Variants in PHACTR3 observed in about 807,000 individuals in gnomAD.
PHACTR3 encodes the protein protein phosphatase 1, regulatory subunit 123.
In PHACTR3, 16 loss-of-function variants were observed where a neutral mutation model predicts 66.8. The ratio of observed to expected loss-of-function variants is 0.24; its 90% CI spans 0.16 to 0.36. The LOEUF is 0.36. Ranked by LOEUF, PHACTR3 falls within the 10% of genes least tolerant of loss-of-function variation. The pLI, the probability that PHACTR3 is intolerant of heterozygous loss-of-function variation, is 1.00. For missense variants in PHACTR3, 647 were observed against 719.9 expected (o/e 0.90, Z 1.16); for synonymous variants, 323 against 292.1 (o/e 1.11, Z -1.08).
At chr20:59,675,956 C>CTGGG (rs2146526785) in intron 1 of PHACTR3, among the ~76,000 whole-genome samples, 1 of 152,286 alleles carries the variant, frequency 6.6e-6, no homozygotes, top group African/African-American at 2.4e-5. Flanking sequence ...GGGCCTGGGC[C>CTGGG]CGGAATAAAA....
chr20:59,639,059 A>AGATG lies in PHACTR3; in HGVS notation c.118+33965_118+33968dup, dbSNP rs111262717. Among the ~76,000 whole-genome samples the AGATG allele has an allele frequency of 3.1e-3, 405 of 129,532 alleles. 2 individuals are homozygous for AGATG. Among genetic ancestry groups the AGATG allele is most frequent in the Admixed American group, 4.2e-3 (52 of 12,516 alleles). The allele number at this position is 129,532 out of a possible 152,430, so 85.0% of individuals were successfully genotyped here. ...GACAGATGGATAAATGGAGATGGATAGATGGATGGATGGATGGATGGATGG... is the reference window on the plus strand; with the variant it reads ...GACAGATGGATAAATGGAGATGGATAGATGGATGGATGGATGGATGGATGGATGG... On this transcript the variant is annotated intron_variant, in intron 1 of 12. Transcript: ENST00000371015.
At chr20:59,796,150 A>G (rs1185784734) in intron 7 of PHACTR3, among the ~76,000 whole-genome samples, 3 of 151,906 alleles carry the variant, frequency 2.0e-5, no homozygotes, top group African/African-American at 4.8e-5. Flanking sequence ...TTTTGTTACC[A>G]TGGGGCTTAT....
At position 59,847,624 on chromosome 20, in the gene PHACTR3, T is replaced by TAAC. The variant is rs1370992675; in HGVS notation, c.*496_*497insCAA. 1 of 152,786 alleles carries TAAC rather than the reference T, an allele frequency of 6.5e-6. No individual in the cohort carries two copies. The highest frequency in any genetic ancestry group is 2.4e-5 in the African/African-American group (1 of 41,480). 9.5% of individuals were successfully genotyped at this position (152,786 alleles called of 1,614,324 possible). On this transcript the variant is annotated 3_prime_UTR_variant, in exon 13 of 13. Transcript: ENST00000371015. Reference sequence around the variant, plus strand: ...TGTATTATACTTTTCCTTTTTTATATAATGTCTAACAAAAAATACAGCTGC... The same window carrying TAAC: ...TGTATTATACTTTTCCTTTTTTATATAACAATGTCTAACAAAAAATACAGCTGC...
chr20:59,621,549 C>A (rs1239791712), intron 1 of PHACTR3, among the ~76,000 whole-genome samples: 1 of 152,238 alleles, frequency 6.6e-6, no homozygotes, highest in Non-Finnish European at 1.5e-5. Flanking sequence ...TCTTTGCCTC[C>A]TTCCTGTCTT....
At chr20:59,635,097 C>CTTTCTT (rs2034800355) in intron 1 of PHACTR3, among the ~76,000 whole-genome samples, 2 of 122,662 alleles carry the variant, frequency 1.6e-5, no homozygotes, top group East Asian at 2.5e-4. Flanking sequence ...TTCTTTCTTT[C>CTTTCTT]TCTCTCTTTC....
intron 8 of PHACTR3, among the ~76,000 whole-genome samples, chr20:59,827,370 A>G (rs1348325815): frequency 1.3e-5 from 2 of 152,128 alleles, no homozygotes; most frequent in African/African-American, 4.8e-5. Context: ...TCTCATCTGT[A>G]TCCCAGGGGC....
intron 10 of PHACTR3, 75 bp from the exon 11 acceptor site, chr20:59,841,320 G>T: frequency 7.1e-7 from 1 of 1,409,140 alleles, no homozygotes; most frequent in Non-Finnish European, 9.6e-7. Context: ...TTTAAGAGAA[G>T]TGCTGTTTGT....
chr20:59,609,790 C>T (rs1008648124), intron 1 of PHACTR3, among the ~76,000 whole-genome samples: 3 of 152,152 alleles, frequency 2.0e-5, no homozygotes, highest in African/African-American at 7.2e-5. Context: ...TGTAGAGTGT[C>T]TACATGGCTT....
intron 5 of PHACTR3, among the ~76,000 whole-genome samples, chr20:59,772,554 G>A (rs2040395067): frequency 1.3e-5 from 2 of 152,196 alleles, no homozygotes; most frequent in Admixed American, 6.5e-5. Context: ...ATTTCAGGCA[G>A]AAAGAACAGC....
chr20:59,660,456 T>G (rs926706083), intron 1 of PHACTR3, among the ~76,000 whole-genome samples: 1 of 152,248 alleles, frequency 6.6e-6, no homozygotes, highest in Admixed American at 6.5e-5. Flanking sequence ...ATTGCGCCAC[T>G]GCACTCCAGC....
rs535989013 is a variant in PHACTR3 at position 59,616,935 on chromosome 20, T to C, written c.118+11803T>C. Among the ~76,000 whole-genome samples the C allele has an allele frequency of 3.9e-5, 6 of 152,320 alleles. No individual in the cohort carries two copies. In the South Asian group the frequency reaches 6.2e-4, roughly 16 times the overall value. ...GCTCAGAGCGTTGCCTGCACTCTCA[T>C]TCACCTGGGCTGGCTTTCCCCGCTC... On this transcript the variant is annotated intron_variant, in intron 1 of 12. Coordinates refer to ENST00000371015, the MANE Select transcript of PHACTR3 (RefSeq NM_080672.5).
At chr20:59,645,787 G>C (rs780507938) in intron 1 of PHACTR3, among the ~76,000 whole-genome samples, 2 of 152,080 alleles carry the variant, frequency 1.3e-5, no homozygotes, top group Non-Finnish European at 2.9e-5. Context: ...ATGTCGTGAC[G>C]CTGGAATGAA....
intron 1 of PHACTR3, among the ~76,000 whole-genome samples, chr20:59,694,466 G>C (rs55851153): frequency 0.12 from 17,509 of 151,752 alleles, 1,268 homozygotes; most frequent in Non-Finnish European, 0.16. Context: ...CAGGAAGGGA[G>C]TGAATGAGTT....
intron 2 of PHACTR3, among the ~76,000 whole-genome samples, chr20:59,746,362 C>G (rs1427292133): frequency 6.6e-6 from 1 of 152,240 alleles, no homozygotes; most frequent in Non-Finnish European, 1.5e-5. Flanking sequence ...CCCACCTGTG[C>G]TGGCATCAGG....
At chr20:59,802,228 G>A (rs1024472390) in intron 7 of PHACTR3, among the ~76,000 whole-genome samples, 6 of 152,162 alleles carry the variant, frequency 3.9e-5, no homozygotes, top group African/African-American at 4.8e-5. Context: ...TGGAAATCTC[G>A]AGCCAGTAGC....
At chr20:59,651,732 G>T (rs182905133) in intron 1 of PHACTR3, among the ~76,000 whole-genome samples, 1 of 152,100 alleles carries the variant, frequency 6.6e-6, no homozygotes, top group South Asian at 2.1e-4. Context: ...AGAAATGAGC[G>T]TGTTCTCTCT....
At chr20:59,749,724 G>A (rs1051518126) in intron 3 of PHACTR3, among the ~76,000 whole-genome samples, 1 of 152,232 alleles carries the variant, frequency 6.6e-6, no homozygotes, top group South Asian at 2.1e-4. Context: ...GACAAAACAT[G>A]CATGAGAGGG....
chr20:59,723,889 G>A (rs1458880570), intron 1 of PHACTR3, among the ~76,000 whole-genome samples: 2 of 152,116 alleles, frequency 1.3e-5, no homozygotes, highest in Non-Finnish European at 2.9e-5. Context: ...GGTCTGCTCA[G>A]GAGTAGAATC....
intron 1 of PHACTR3, among the ~76,000 whole-genome samples, chr20:59,636,575 C>T (rs1449443734): frequency 6.6e-6 from 1 of 152,160 alleles, no homozygotes; most frequent in African/African-American, 2.4e-5. Flanking sequence ...GATCGGGGCT[C>T]TGCTTACTGG....
Sources: gnomAD v4.1 joint callset for allele counts (sites outside exome capture counted in the v4.1 genomes callset) on GRCh38, gnomAD v4.1.1 for gene constraint, MANE v1.5 for transcripts, NCBI Gene and HGNC (gene_info 2026-07-23, HGNC 2026-07-21) for gene names.